QKI: variants seen among roughly 807,000 people sequenced by gnomAD.
The protein encoded by QKI is QKI, KH domain containing RNA binding.
QKI carries 10 observed loss-of-function variants against 39.0 expected under a neutral mutation model. The observed-to-expected ratio is 0.26, with a 90% CI of 0.16 to 0.43. The LOEUF (loss-of-function observed/expected upper bound fraction) is 0.43, where lower values mean the gene tolerates loss of function less well. Ranked by LOEUF, QKI falls within the 20% of genes least tolerant of loss-of-function variation. QKI has a pLI of 1.00. For synonymous variants in QKI, 204 were observed against 155.4 expected, an observed-to-expected ratio of 1.31 and a Z score of -2.33; for missense variants, 218 against 428.0, an observed-to-expected ratio of 0.51 and a Z score of 4.33.
chr6:163,449,865 T>A (rs1790417096), intron 1 of QKI, among the ~76,000 whole-genome samples: 1 of 152,128 alleles, frequency 6.6e-6, no homozygotes, highest in South Asian at 2.1e-4. Flanking sequence ...AATTTAGATT[T>A]CTCACCCCAT....
intron 1 of QKI, among the ~76,000 whole-genome samples, chr6:163,427,955 G>C (rs1363477232): frequency 6.6e-6 from 1 of 152,160 alleles, no homozygotes; most frequent in African/African-American, 2.4e-5. Context: ...AAAATCTCTA[G>C]TGCAAACTTG....
At chr6:163,504,310 C>T (rs1242891529) in intron 3 of QKI, among the ~76,000 whole-genome samples, 1 of 151,968 alleles carries the variant, frequency 6.6e-6, no homozygotes. Flanking sequence ...TAGGTTTGTT[C>T]CTTTTGCTTA....
chr6:163,554,121 C>G (rs773151845), intron 4 of QKI, among the ~76,000 whole-genome samples: 22 of 152,184 alleles, frequency 1.4e-4, no homozygotes, highest in Non-Finnish European at 2.9e-4. Context: ...ACCTCAGGAG[C>G]TCAGAGGGGA....
At chr6:163,524,828 T>C (rs923027718) in intron 3 of QKI, among the ~76,000 whole-genome samples, 1 of 152,134 alleles carries the variant, frequency 6.6e-6, no homozygotes, top group African/African-American at 2.4e-5. Flanking sequence ...ATATTTACAT[T>C]ATGGTAATAT....
chr6:163,473,407 G>C (rs1792350412), intron 2 of QKI, among the ~76,000 whole-genome samples: 1 of 152,150 alleles, frequency 6.6e-6, no homozygotes, highest in African/African-American at 2.4e-5. Context: ...TCCCTTTGCA[G>C]ATGGCATGGA....
chr6:163,486,098 A>G (rs889695795), intron 3 of QKI, among the ~76,000 whole-genome samples: 8 of 152,234 alleles, frequency 5.3e-5, no homozygotes, highest in African/African-American at 1.9e-4. Context: ...CATCATGTTC[A>G]GACCATGGGA....
intron 2 of QKI, among the ~76,000 whole-genome samples, chr6:163,459,248 C>T (rs936983527): frequency 4.6e-5 from 7 of 152,318 alleles, no homozygotes; most frequent in African/African-American, 1.4e-4. Context: ...AGGTATAAGG[C>T]GTCTGCTCTT....
chr6:163,463,428 A>G (rs1244664944), intron 2 of QKI, among the ~76,000 whole-genome samples: 1 of 152,190 alleles, frequency 6.6e-6, no homozygotes, highest in Non-Finnish European at 1.5e-5. Context: ...TGAACACTCA[A>G]AACATACTGC....
At chr6:163,550,804 G>A (rs533523727) in intron 4 of QKI, among the ~76,000 whole-genome samples, 139 of 152,086 alleles carry the variant, frequency 9.1e-4, no homozygotes, top group African/African-American at 3.2e-3. Context: ...AAATTAGCCG[G>A]GCATGGTGGT....
chr6:163,451,271 A>G (rs530411337), intron 1 of QKI, among the ~76,000 whole-genome samples: 9 of 152,326 alleles, frequency 5.9e-5, no homozygotes, highest in Non-Finnish European at 1.5e-5. Flanking sequence ...TTAAACAGTG[A>G]TTATGGATGG....
At chr6:163,517,541 C>G (rs1779910120) in intron 3 of QKI, among the ~76,000 whole-genome samples, 1 of 152,116 alleles carries the variant, frequency 6.6e-6, no homozygotes, top group Non-Finnish European at 1.5e-5. Flanking sequence ...CCTCAGCCTC[C>G]AAAGTAACTG....
intron 4 of QKI, among the ~76,000 whole-genome samples, chr6:163,551,551 T>C (rs1194643710): frequency 6.6e-6 from 1 of 152,264 alleles, no homozygotes; most frequent in Non-Finnish European, 1.5e-5. Context: ...AATTACCTCC[T>C]CTGGTGTTAC....
chr6:163,553,090 ATTTATTTATTTATTTATTTATTTATTTT>A (rs1384283219), intron 4 of QKI, among the ~76,000 whole-genome samples: 5 of 100,542 alleles, frequency 5.0e-5, no homozygotes, highest in South Asian at 3.4e-4. Context: ...TTATTTATTT[ATTTATTTATTTATTTATTTATTTATTTT>A]TTGAGATGGA....
chr6:163,554,717 C>T (rs931739841), intron 4 of QKI, among the ~76,000 whole-genome samples: 11 of 152,222 alleles, frequency 7.2e-5, no homozygotes, highest in African/African-American at 2.7e-4. Context: ...TTCAATTTCT[C>T]CTTTTCCCTT....
chr6:163,550,742 C>G (rs1386996198), intron 4 of QKI, among the ~76,000 whole-genome samples: 2 of 151,918 alleles, frequency 1.3e-5, no homozygotes, highest in Non-Finnish European at 2.9e-5. Flanking sequence ...GTCAGGAGAT[C>G]GAGACCATCC....
chr6:163,460,023 G>A (rs954487327), intron 2 of QKI, among the ~76,000 whole-genome samples: 1 of 152,134 alleles, frequency 6.6e-6, no homozygotes, highest in African/African-American at 2.4e-5. Flanking sequence ...CATTAAATTT[G>A]CCTAGTTATC....
At position 163,475,481 on chromosome 6, in the gene QKI, G is replaced by A. The variant is rs183753314; in HGVS notation, c.286-3299G>A. ...ATAGGTTATGTGCAAATATGACACC[G>A]TTTTATATAAGGGACTTGAGCATCT... On this transcript the variant is annotated intron_variant, in intron 2 of 7. Transcript: ENST00000361752. Among the ~76,000 whole-genome samples, 283 of 152,172 alleles carry A rather than the reference G, an allele frequency of 1.9e-3. 1 individual carries two copies. Among genetic ancestry groups the A allele is most frequent in the African/African-American group, 6.1e-3 (254 of 41,516 alleles).
intron 1 of QKI, among the ~76,000 whole-genome samples, chr6:163,432,250 TAAACC>T (rs1260259724): frequency 3.3e-5 from 5 of 152,228 alleles, no homozygotes; most frequent in Admixed American, 2.0e-4. Flanking sequence ...AAATTGATGT[TAAACC>T]AAAGACAAAG....
chr6:163,507,547 GA>G (rs1485183396), intron 3 of QKI, among the ~76,000 whole-genome samples: 1 of 152,116 alleles, frequency 6.6e-6, no homozygotes, highest in Non-Finnish European at 1.5e-5. Flanking sequence ...TGCTGATGGA[GA>G]AAGATAAAAA....
Sources: allele counts gnomAD v4.1 joint callset (sites outside exome capture counted in the v4.1 genomes callset), GRCh38; gene constraint gnomAD v4.1.1; transcripts MANE v1.5; gene names NCBI Gene and HGNC (gene_info 2026-07-23, HGNC 2026-07-21).